CTNNA3: variants seen among roughly 807,000 people sequenced by gnomAD.
CTNNA3 encodes catenin alpha-3.
In CTNNA3, 76 loss-of-function variants were observed where a neutral mutation model predicts 95.7. The ratio of observed to expected loss-of-function variants is 0.79; its 90% confidence interval spans 0.66 to 0.96. The LOEUF (loss-of-function observed/expected upper bound fraction) is 0.96, where lower values mean the gene tolerates loss of function less well. CTNNA3 is among the 40% of genes least tolerant of loss of function. The probability of loss-of-function intolerance (pLI) is 0.00; values close to 1 mark genes in which losing one functional copy is unlikely to be tolerated. For synonymous variants in CTNNA3, 431 were observed against 374.4 expected (o/e 1.15, Z -1.74); for missense variants, 1,191 against 1,089.8 (o/e 1.09, Z -1.31).
At chr10:67,189,046 A>C (rs1187873209) in intron 6 of CTNNA3, among the ~76,000 whole-genome samples, 1 of 151,888 alleles carries the variant, frequency 6.6e-6, no homozygotes, top group African/African-American at 2.4e-5. Context: ...GAGCCCAAGA[A>C]GTCGAGGTTG....
chr10:66,337,357 T>C (rs967767530), intron 12 of CTNNA3, among the ~76,000 whole-genome samples: 1 of 152,116 alleles, frequency 6.6e-6, no homozygotes, highest in Non-Finnish European at 1.5e-5. Context: ...CAGATACACT[T>C]ATTTGGAAGA....
At chr10:67,287,969 T>G (rs1041153342) in intron 5 of CTNNA3, among the ~76,000 whole-genome samples, 1 of 152,200 alleles carries the variant, frequency 6.6e-6, no homozygotes, top group Non-Finnish European at 1.5e-5. Flanking sequence ...CTTCTCTAAT[T>G]GACACTGTTC....
chr10:66,653,629 G>A (rs1845982759), intron 9 of CTNNA3, among the ~76,000 whole-genome samples: 1 of 152,024 alleles, frequency 6.6e-6, no homozygotes, highest in Non-Finnish European at 1.5e-5. Flanking sequence ...AAGCACAAAA[G>A]ATGCTGAATA....
chr10:66,916,246 TGA>T (rs1846488497), intron 7 of CTNNA3, among the ~76,000 whole-genome samples: 1 of 152,238 alleles, frequency 6.6e-6, no homozygotes, highest in Admixed American at 6.5e-5. Context: ...ACAGTGATTG[TGA>T]GTCATATCGC....
intron 5 of CTNNA3, among the ~76,000 whole-genome samples, chr10:67,487,277 T>A (rs147215387): frequency 2.5e-4 from 38 of 152,256 alleles, no homozygotes; most frequent in African/African-American, 8.7e-4. Context: ...CAGTAAGACA[T>A]CCCCCTTGGC....
intron 9 of CTNNA3, among the ~76,000 whole-genome samples, chr10:66,750,004 G>A (rs1372496977): frequency 2.0e-5 from 3 of 152,100 alleles, no homozygotes; most frequent in Admixed American, 2.0e-4. Context: ...TTGGACATAC[G>A]TATATCTTCT....
intron 7 of CTNNA3, among the ~76,000 whole-genome samples, chr10:67,175,249 T>C (rs1862188314): frequency 1.3e-5 from 2 of 152,236 alleles, no homozygotes; most frequent in African/African-American, 4.8e-5. Context: ...AGCCATTGCA[T>C]ATTGTTCCTC....
chr10:66,407,772 G>T (rs935165680), intron 11 of CTNNA3, among the ~76,000 whole-genome samples: 3 of 151,938 alleles, frequency 2.0e-5, no homozygotes, highest in Non-Finnish European at 4.4e-5. Flanking sequence ...ATAGAGACGG[G>T]GTTTCACCAT....
intron 6 of CTNNA3, among the ~76,000 whole-genome samples, chr10:67,209,028 A>T (rs1482854384): frequency 4.0e-5 from 6 of 149,248 alleles, no homozygotes. Context: ...CTAATAATAT[A>T]AGGGTATTGT....
At chr10:66,249,242 G>C (rs1166750846) in intron 13 of CTNNA3, among the ~76,000 whole-genome samples, 1 of 151,940 alleles carries the variant, frequency 6.6e-6, no homozygotes. Context: ...TACCCTACAA[G>C]CACAAGAAAC....
intron 13 of CTNNA3, among the ~76,000 whole-genome samples, chr10:66,186,303 T>TGTGTGTGA (rs112758582): frequency 1.4e-4 from 21 of 149,378 alleles, no homozygotes; most frequent in Non-Finnish European, 2.8e-4. Context: ...TGTGTGTGTG[T>TGTGTGTGA]GAGAGATAGA....
intron 5 of CTNNA3, among the ~76,000 whole-genome samples, chr10:67,310,554 C>A (rs112310457): frequency 6.6e-6 from 1 of 152,082 alleles, no homozygotes; most frequent in Non-Finnish European, 1.5e-5. Flanking sequence ...TAAGGACATA[C>A]CTGAGACTGG....
At chr10:67,105,942 T>C (rs1179918976) in intron 7 of CTNNA3, among the ~76,000 whole-genome samples, 1 of 152,182 alleles carries the variant, frequency 6.6e-6, no homozygotes. Context: ...TTAAGTTCAG[T>C]GTATTGGACA....
intron 5 of CTNNA3, among the ~76,000 whole-genome samples, chr10:67,223,870 C>A (rs1412270409): frequency 6.6e-6 from 1 of 152,144 alleles, no homozygotes; most frequent in Admixed American, 6.5e-5. Context: ...GAGTTACCCA[C>A]AGCATAGAGG....
intron 12 of CTNNA3, among the ~76,000 whole-genome samples, chr10:66,370,636 C>T (rs949183115): frequency 6.6e-6 from 1 of 152,108 alleles, no homozygotes. Context: ...TGCTTGATAA[C>T]TGCAGAGCCT....
intron 11 of CTNNA3, among the ~76,000 whole-genome samples, chr10:66,428,029 A>G (rs1339341917): frequency 1.3e-5 from 2 of 152,140 alleles, no homozygotes; most frequent in African/African-American, 2.4e-5. Flanking sequence ...AGAGACACAC[A>G]TGGGCTCAAA....
intron 9 of CTNNA3, among the ~76,000 whole-genome samples, chr10:66,750,568 T>A (rs1839091636): frequency 6.6e-6 from 1 of 152,230 alleles, no homozygotes; most frequent in African/African-American, 2.4e-5. Context: ...ATACTATTTA[T>A]CTATTTACCT....
chr10:65,999,462 C>G (rs1370854104), intron 15 of CTNNA3, among the ~76,000 whole-genome samples: 1 of 152,112 alleles, frequency 6.6e-6, no homozygotes, highest in Non-Finnish European at 1.5e-5. Flanking sequence ...AAATGCATAC[C>G]TTGTTAGGAG....
intron 5 of CTNNA3, among the ~76,000 whole-genome samples, chr10:67,455,060 C>T (rs1442444893): frequency 1.3e-5 from 2 of 152,046 alleles, no homozygotes; most frequent in Non-Finnish European, 2.9e-5. Context: ...CTTCATAATA[C>T]AGTTAATAAA....
Sources: gnomAD v4.1 joint callset for allele counts (sites outside exome capture counted in the v4.1 genomes callset) on GRCh38, gnomAD v4.1.1 for gene constraint, MANE v1.5 for transcripts, NCBI Gene and HGNC (gene_info 2026-07-23, HGNC 2026-07-21) for gene names.